Variants in DENND1B observed in about 807,000 individuals in gnomAD.
DENND1B encodes DENN domain-containing protein 1B.
In DENND1B, 59 loss-of-function variants were observed where a neutral mutation model predicts 90.1. The ratio of observed to expected loss-of-function variants is 0.65; its 90% CI spans 0.53 to 0.81. DENND1B has a LOEUF of 0.81. Among genes scored for constraint, DENND1B ranks in the 40% least tolerant of loss-of-function variants. The pLI is 0.00. For missense variants in DENND1B, 862 were observed against 912.6 expected (o/e 0.94, Z 0.71); for synonymous variants, 337 against 324.6 (o/e 1.04, Z -0.41).
chr1:197,617,753 C>G lies in DENND1B; in HGVS notation c.679G>C (p.Ala227Pro), dbSNP rs1487374727. Residue 227 changes from alanine to proline, a missense_variant, in exon 11 of 23, where the codon GCC (alanine) becomes CCC (proline). By Grantham distance (27) the Ala-to-Pro change is conservative (BLOSUM62 -1). Coordinates refer to ENST00000620048, the MANE Select transcript of DENND1B (RefSeq NM_001195215.2). ...AGAGCAGCTGATCCATGGATACAGG[C>G]AGTTAACTGAAATTTGTAAAAGGAT... ...IISSKLSTLT[A>P]CIHGSAALLY... The G allele has an allele frequency of 6.2e-7, 1 of 1,606,046 alleles. No individual in the cohort carries two copies. Among genetic ancestry groups the G allele is most frequent in the East Asian group, 2.2e-5 (1 of 44,688 alleles).
intron 3 of DENND1B, among the ~76,000 whole-genome samples, chr1:197,695,660 C>T (rs1658359224): frequency 7.4e-6 from 1 of 135,532 alleles, no homozygotes; most frequent in African/African-American, 2.8e-5. Flanking sequence ...TTTGAAAAAA[C>T]AATAGTTGAT....
intron 15 of DENND1B, among the ~76,000 whole-genome samples, chr1:197,553,683 A>G (rs1215690812): frequency 2.6e-5 from 4 of 152,176 alleles, no homozygotes; most frequent in African/African-American, 4.8e-5. Context: ...ATTATATTCT[A>G]AAGCATAATA....
intron 18 of DENND1B, among the ~76,000 whole-genome samples, chr1:197,542,500 A>G (rs1472263502): frequency 6.6e-6 from 1 of 152,222 alleles, no homozygotes; most frequent in Non-Finnish European, 1.5e-5. Flanking sequence ...ATGTTCTGCT[A>G]TAACTCCAAT....
At chr1:197,616,278 C>T (rs1364887729) in intron 11 of DENND1B, among the ~76,000 whole-genome samples, 2 of 150,852 alleles carry the variant, frequency 1.3e-5, no homozygotes, top group Admixed American at 6.6e-5. Context: ...AGATCTACTG[C>T]ATATGTCAAC....
intron 10 of DENND1B, among the ~76,000 whole-genome samples, chr1:197,631,608 A>G (rs931919566): frequency 1.5e-4 from 23 of 152,108 alleles, no homozygotes; most frequent in Admixed American, 7.2e-4. Flanking sequence ...CTGATCGCAA[A>G]CCACCAGCAA....
intron 20 of DENND1B, among the ~76,000 whole-genome samples, chr1:197,535,406 T>C (rs1403644771): frequency 2.6e-5 from 4 of 152,174 alleles, no homozygotes; most frequent in Admixed American, 6.5e-5. Flanking sequence ...AAACTATGTT[T>C]TTTCCTAAAC....
intron 5 of DENND1B, among the ~76,000 whole-genome samples, chr1:197,666,514 AT>A (rs1477348943): frequency 1.3e-5 from 2 of 152,212 alleles, no homozygotes; most frequent in Non-Finnish European, 2.9e-5. Context: ...TATCAGAAAT[AT>A]GGTTAAAGGC....
chr1:197,620,656 G>T (rs1284587546), intron 10 of DENND1B, among the ~76,000 whole-genome samples: 1 of 151,260 alleles, frequency 6.6e-6, no homozygotes, highest in Admixed American at 6.6e-5. Flanking sequence ...GTGCTCTAAA[G>T]TCCATAAGGT....
intron 3 of DENND1B, among the ~76,000 whole-genome samples, chr1:197,700,971 T>C (rs150989504): frequency 1.1e-3 from 162 of 151,390 alleles, no homozygotes; most frequent in Non-Finnish European, 1.9e-3. Context: ...CAGGAATGCT[T>C]TGTTGGTGGG....
At chr1:197,764,036 C>G (rs971377711) in intron 2 of DENND1B, among the ~76,000 whole-genome samples, 7 of 152,196 alleles carry the variant, frequency 4.6e-5, no homozygotes, top group Non-Finnish European at 8.8e-5. Context: ...CAATTCTGGT[C>G]AAGCCTAGAA....
intron 3 of DENND1B, among the ~76,000 whole-genome samples, chr1:197,685,441 T>A (rs952142855): frequency 2.0e-4 from 30 of 152,128 alleles, no homozygotes; most frequent in African/African-American, 7.0e-4. Flanking sequence ...CTCCTTCAAC[T>A]TAAAGCAGGA....
intron 17 of DENND1B, among the ~76,000 whole-genome samples, 163 bp downstream of exon 17, chr1:197,546,570 C>A (rs973253621): frequency 6.6e-6 from 1 of 152,070 alleles, no homozygotes; most frequent in Non-Finnish European, 1.5e-5. Context: ...TAATGAGTAT[C>A]AACAAACTAT....
intron 3 of DENND1B, among the ~76,000 whole-genome samples, chr1:197,706,342 G>A (rs1020640998): frequency 6.6e-6 from 1 of 152,088 alleles, no homozygotes; most frequent in Non-Finnish European, 1.5e-5. Context: ...ACAAAACATA[G>A]GATAAACACT....
intron 5 of DENND1B, among the ~76,000 whole-genome samples, chr1:197,663,702 G>A (rs1654643278): frequency 2.0e-5 from 3 of 152,028 alleles, no homozygotes; most frequent in Admixed American, 2.0e-4. Flanking sequence ...GTCTTTGAGT[G>A]TGGCATGTAC....
At chr1:197,617,979 A>G (rs950274744) in intron 10 of DENND1B, among the ~76,000 whole-genome samples, 3 of 151,184 alleles carry the variant, frequency 2.0e-5, no homozygotes, top group Non-Finnish European at 4.4e-5. Context: ...AATCATGTAG[A>G]TAGTTATAAT....
At chr1:197,587,668 G>A (rs1384970203) in intron 14 of DENND1B, among the ~76,000 whole-genome samples, 1 of 152,168 alleles carries the variant, frequency 6.6e-6, no homozygotes. Flanking sequence ...CTTGGCACCA[G>A]ACGCGGGTTT....
intron 15 of DENND1B, among the ~76,000 whole-genome samples, chr1:197,580,065 TTTTTCTTTC>T (rs1490661125): frequency 2.7e-5 from 4 of 148,544 alleles, no homozygotes; most frequent in East Asian, 2.0e-4. Flanking sequence ...TTTTTAATAA[TTTTTCTTTC>T]TTTTCTTTCT....
chr1:197,691,902 A>G (rs1340980671), intron 3 of DENND1B, among the ~76,000 whole-genome samples: 1 of 151,946 alleles, frequency 6.6e-6, no homozygotes, highest in Non-Finnish European at 1.5e-5. Context: ...TGAGACATCA[A>G]AAATAGTCAA....
At position 197,584,265 on chromosome 1, in the gene DENND1B, T is replaced by C. The variant is rs527426519; in HGVS notation, c.1048-1012A>G. On this transcript the variant is annotated intron_variant, in intron 14 of 22. Transcript: ENST00000620048. ...ATAGGTTCCTGTATAAATAAAATAA[T>C]GAGAGTAACTAATTAAACTATTACC... 3.2e-4 allele frequency among the ~76,000 whole-genome samples: 49 copies of C among 152,290 alleles called. 1 individual carries two copies. In the South Asian group the frequency reaches 8.5e-3, roughly 26 times the overall value.
Sources: allele counts gnomAD v4.1 joint callset (sites outside exome capture counted in the v4.1 genomes callset), GRCh38; gene constraint gnomAD v4.1.1; transcripts MANE v1.5; gene names NCBI Gene and HGNC (gene_info 2026-07-23, HGNC 2026-07-21).